Variants in PDSS2 observed in about 807,000 individuals in gnomAD.
The protein encoded by PDSS2 is all trans-polyprenyl-diphosphate synthase PDSS2.
A neutral mutation model predicts 44.5 loss-of-function variants in PDSS2; 31 were observed. The ratio of observed to expected loss-of-function variants is 0.70; its 90% confidence interval spans 0.52 to 0.94. PDSS2 has a LOEUF of 0.94. Ranked by LOEUF, PDSS2 falls within the 40% of genes least tolerant of loss-of-function variation. The pLI is 0.00. For missense variants in PDSS2, 452 were observed against 482.2 expected (o/e 0.94, Z 0.59); for synonymous variants, 157 against 180.3 (o/e 0.87, Z 1.03).
chr6:107,283,299 C>A (rs1776031477), intron 2 of PDSS2, among the ~76,000 whole-genome samples: 1 of 151,684 alleles, frequency 6.6e-6, no homozygotes. Flanking sequence ...GCACTCCAGC[C>A]TGGGCGACAG....
chr6:107,193,145 T>C (rs950716299), intron 7 of PDSS2, among the ~76,000 whole-genome samples: 1 of 152,248 alleles, frequency 6.6e-6, no homozygotes, highest in Non-Finnish European at 1.5e-5. Flanking sequence ...AGGCCTGTAC[T>C]GATGCACTGA....
chr6:107,340,584 T>C, intron 1 of PDSS2, among the ~76,000 whole-genome samples: 1 of 152,196 alleles, frequency 6.6e-6, no homozygotes, highest in East Asian at 1.9e-4. Flanking sequence ...TAATAGTAGA[T>C]TCAAAGTATG....
intron 3 of PDSS2, among the ~76,000 whole-genome samples, chr6:107,272,937 T>A (rs749110055): frequency 2.0e-5 from 3 of 152,078 alleles, no homozygotes; most frequent in Non-Finnish European, 2.9e-5. Context: ...TATTTATTTT[T>A]TTTATTTTTA....
intron 3 of PDSS2, among the ~76,000 whole-genome samples, chr6:107,273,578 T>C (rs1562425437): frequency 6.6e-6 from 1 of 152,020 alleles, no homozygotes; most frequent in Non-Finnish European, 1.5e-5. Context: ...CATAATATTA[T>C]GTAAGAAAAA....
chr6:107,274,330 C>G (rs1775700971), intron 2 of PDSS2, 103 bp from the exon 3 acceptor site: 2 of 920,328 alleles, frequency 2.2e-6, no homozygotes, highest in Non-Finnish European at 1.7e-6. Flanking sequence ...GGTTGCCCCC[C>G]ACTTTTTTTT....
intron 1 of PDSS2, among the ~76,000 whole-genome samples, chr6:107,430,110 T>C (rs564351328): frequency 1.3e-5 from 2 of 151,850 alleles, no homozygotes; most frequent in Admixed American, 1.3e-4. Context: ...CTATTTTCTA[T>C]TTTGTGGGGG....
At chr6:107,255,249 G>C (rs990524369) in intron 3 of PDSS2, among the ~76,000 whole-genome samples, 2 of 145,454 alleles carry the variant, frequency 1.4e-5, no homozygotes, top group African/African-American at 5.1e-5. Context: ...CTGAAGTGCA[G>C]TGGTGTGATC....
intron 3 of PDSS2, among the ~76,000 whole-genome samples, chr6:107,260,649 T>C (rs1436205098): frequency 1.4e-5 from 2 of 146,606 alleles, no homozygotes; most frequent in Non-Finnish European, 3.0e-5. Context: ...AAATCAGTCT[T>C]CCCCCTTCAT....
intron 3 of PDSS2, among the ~76,000 whole-genome samples, chr6:107,263,672 T>A (rs1775321474): frequency 6.6e-6 from 1 of 152,216 alleles, no homozygotes; most frequent in African/African-American, 2.4e-5. Flanking sequence ...AAATTCGTCT[T>A]ATTTCTAGTA....
intron 2 of PDSS2, among the ~76,000 whole-genome samples, chr6:107,285,496 A>G (rs987998044): frequency 2.6e-5 from 4 of 152,152 alleles, no homozygotes; most frequent in Non-Finnish European, 5.9e-5. Context: ...AGGAAGAAGA[A>G]GAAGAAGGAA....
chr6:107,402,437 TAC>T lies in PDSS2; in HGVS notation c.296+56551_296+56552del, dbSNP rs1174489186. Among the ~76,000 whole-genome samples the T allele has an allele frequency of 1.0e-3, 126 of 125,918 alleles. 1 individual carries two copies. The highest frequency in any genetic ancestry group is 1.6e-3 in the Non-Finnish European group (96 of 58,834). The allele number at this position is 125,918 out of a possible 152,430, so 82.6% of individuals were successfully genotyped here. ...TACCAGAGACTGGGTAATATATATA[TAC>T]ACACACACACACACATATATATACG... is the stretch of plus-strand genomic sequence containing the variant. On this transcript the variant is annotated intron_variant, in intron 1 of 7. Transcript: ENST00000369037.
intron 7 of PDSS2, among the ~76,000 whole-genome samples, chr6:107,155,976 G>A (rs1430423092): frequency 7.6e-6 from 1 of 131,014 alleles, no homozygotes; most frequent in Non-Finnish European, 1.5e-5. Flanking sequence ...TGCAACCTCC[G>A]CCTCCCGGAT....
chr6:107,457,953 A>G (rs1460271317), intron 1 of PDSS2, among the ~76,000 whole-genome samples: 2 of 152,178 alleles, frequency 1.3e-5, no homozygotes, highest in Admixed American at 6.5e-5. Flanking sequence ...TGATGTATGC[A>G]ATCTACCATC....
intron 1 of PDSS2, among the ~76,000 whole-genome samples, chr6:107,446,370 T>C (rs1781684090): frequency 6.6e-6 from 1 of 151,944 alleles, no homozygotes; most frequent in African/African-American, 2.4e-5. Context: ...GCAGAAACAC[T>C]ACAGAGTCCC....
chr6:107,251,895 A>C (rs1413774231), intron 3 of PDSS2, among the ~76,000 whole-genome samples: 1 of 152,220 alleles, frequency 6.6e-6, no homozygotes, highest in Non-Finnish European at 1.5e-5. Flanking sequence ...TTATATTGCC[A>C]AGATAAGGTA....
chr6:107,428,292 C>T (rs1781066533), intron 1 of PDSS2, among the ~76,000 whole-genome samples: 2 of 152,176 alleles, frequency 1.3e-5, no homozygotes, highest in African/African-American at 4.8e-5. Context: ...TTTTAATCAG[C>T]ACTTGCTACA....
chr6:107,206,700 T>C (rs955112081), intron 6 of PDSS2, among the ~76,000 whole-genome samples: 2 of 152,064 alleles, frequency 1.3e-5, no homozygotes, highest in African/African-American at 2.4e-5. Context: ...AAAAAAACCT[T>C]CATAATGTTT....
intron 4 of PDSS2, among the ~76,000 whole-genome samples, chr6:107,222,116 T>G (rs1469552404): frequency 1.3e-5 from 2 of 152,218 alleles, no homozygotes; most frequent in Non-Finnish European, 2.9e-5. Context: ...GTTAAATGTT[T>G]GCTTTGAATT....
At chr6:107,338,250 A>T (rs957166061) in intron 1 of PDSS2, among the ~76,000 whole-genome samples, 37 of 152,230 alleles carry the variant, frequency 2.4e-4, no homozygotes, top group African/African-American at 8.9e-4. Flanking sequence ...AGCACAGGTC[A>T]TATTTCATCT....
Sources: gnomAD v4.1 joint callset for allele counts (sites outside exome capture counted in the v4.1 genomes callset) on GRCh38, gnomAD v4.1.1 for gene constraint, MANE v1.5 for transcripts, NCBI Gene and HGNC (gene_info 2026-07-23, HGNC 2026-07-21) for gene names.